Variants in CAMK4 observed in about 807,000 individuals in gnomAD.
CAMK4 encodes the protein calcium/calmodulin dependent protein kinase IV, also known as calcium/calmodulin-dependent protein kinase type IV.
In CAMK4, 22 loss-of-function variants were observed where a neutral mutation model predicts 44.9. The ratio of observed to expected loss-of-function variants is 0.49; its 90% CI spans 0.35 to 0.70. The LOEUF is 0.70. Among genes scored for constraint, CAMK4 ranks in the 30% least tolerant of loss-of-function variants. The probability of loss-of-function intolerance (pLI) is 0.01; values close to 1 mark genes in which losing one functional copy is unlikely to be tolerated. For synonymous variants in CAMK4, 218 were observed against 215.4 expected (o/e 1.01, Z -0.11); for missense variants, 498 against 586.8 (o/e 0.85, Z 1.56).
intron 5 of CAMK4, among the ~76,000 whole-genome samples, chr5:111,430,185 C>T (rs1580742466): frequency 1.3e-5 from 2 of 152,212 alleles, no homozygotes; most frequent in African/African-American, 4.8e-5. Context: ...ATCAATGTGA[C>T]ATGTCATATC....
Position 111,484,392 on chromosome 5 carries a change from C to A in CAMK4, c.1348C>A (p.Pro450Thr), listed in dbSNP as rs1429779295. 1 of 1,584,458 alleles carries A rather than the reference C, an allele frequency of 6.3e-7. No homozygotes were observed. Among genetic ancestry groups the A allele is most frequent in the East Asian group, 2.2e-5 (1 of 44,512 alleles). ...GAAGACTGTGGAGGAGGCAGCAGCTCCCAGAGAAGGGCAAGGAAGCTCTGC... is the reference window on the plus strand; with the variant it reads ...GAAGACTGTGGAGGAGGCAGCAGCTACCAGAGAAGGGCAAGGAAGCTCTGC... ...KLKTVEEAAAPREGQGSSAVG... is the reference protein window; with the variant it reads ...KLKTVEEAAATREGQGSSAVG... Residue 450 changes from proline (P) to threonine (T), a missense_variant, in exon 11 of 11, where the codon CCC becomes ACC. Physicochemically the swap from Pro to Thr is conservative, Grantham distance 38 (BLOSUM62 -1). Coordinates refer to ENST00000282356, the MANE Select transcript of CAMK4 (RefSeq NM_001744.6). The surrounding 1 kb of genome is among the most constrained non-coding windows in gnomAD (Gnocchi z 5.3).
intron 5 of CAMK4, among the ~76,000 whole-genome samples, chr5:111,420,665 G>A (rs560376650): frequency 1.9e-4 from 29 of 152,260 alleles, no homozygotes; most frequent in African/African-American, 5.5e-4. Flanking sequence ...GCCGTTTATA[G>A]GCCTATACCT....
chr5:111,309,625 C>T lies in CAMK4; in HGVS notation c.162-34399C>T, dbSNP rs534696433. Among the ~76,000 whole-genome samples, 4 of 152,280 alleles carry T rather than the reference C, an allele frequency of 2.6e-5. No homozygotes were observed. In the East Asian group the frequency reaches 7.7e-4, roughly 29 times the overall value. On this transcript the variant is annotated intron_variant, in intron 1 of 10. Coordinates refer to ENST00000282356, the MANE Select transcript of CAMK4 (RefSeq NM_001744.6). Reference sequence around the variant, plus strand: ...CCTCCTGGCTTTTTCTCTGGGTGAGCTGTGGCACAGGTTATTTCTTCTATT... The same window carrying T: ...CCTCCTGGCTTTTTCTCTGGGTGAGTTGTGGCACAGGTTATTTCTTCTATT...
intron 7 of CAMK4, among the ~76,000 whole-genome samples, chr5:111,462,724 A>C (rs541234999): frequency 6.6e-6 from 1 of 152,350 alleles, no homozygotes; most frequent in South Asian, 2.1e-4. Context: ...GAATTTAAGA[A>C]AAGAAGGCAA....
chr5:111,458,250 C>A (rs1206472797), intron 7 of CAMK4, among the ~76,000 whole-genome samples: 1 of 152,088 alleles, frequency 6.6e-6, no homozygotes, highest in Admixed American at 6.5e-5. Context: ...TACAGGGTGG[C>A]GAGGAAGGGT....
At chr5:111,278,680 C>T (rs1451643120) in intron 1 of CAMK4, among the ~76,000 whole-genome samples, 1 of 152,060 alleles carries the variant, frequency 6.6e-6, no homozygotes, top group Non-Finnish European at 1.5e-5. Flanking sequence ...TTTTATTTGG[C>T]AATTGAGTCT....
At position 111,250,937 on chromosome 5, in the gene CAMK4, C is replaced by T. The variant is rs942229846; in HGVS notation, c.161+26293C>T. Among the ~76,000 whole-genome samples, 304 of 152,142 alleles carry T rather than the reference C, an allele frequency of 2.0e-3. 2 individuals are homozygous for T. The highest frequency in any genetic ancestry group is 1.3e-3 in the Non-Finnish European group (85 of 67,940). On this transcript the variant is annotated intron_variant, in intron 1 of 10. Coordinates refer to ENST00000282356, the MANE Select transcript of CAMK4 (RefSeq NM_001744.6). ...TCCCAAAGCATTGGGATTACAGGGACGAGCCACTGCACCCAGCCATTATTT... is the reference window on the plus strand; with the variant it reads ...TCCCAAAGCATTGGGATTACAGGGATGAGCCACTGCACCCAGCCATTATTT...
intron 5 of CAMK4, among the ~76,000 whole-genome samples, chr5:111,438,778 C>T (rs1423917524): frequency 6.6e-6 from 1 of 152,120 alleles, no homozygotes; most frequent in Non-Finnish European, 1.5e-5. Flanking sequence ...CTACTGAGTG[C>T]CCAGCTCCCT....
At chr5:111,225,486 T>C (rs2112482823) in intron 1 of CAMK4, among the ~76,000 whole-genome samples, 1 of 152,344 alleles carries the variant, frequency 6.6e-6, no homozygotes, top group Admixed American at 6.5e-5. Context: ...TTTCTCTCTG[T>C]TATCCATAGG....
At chr5:111,470,990 A>G (rs527714021) in intron 7 of CAMK4, among the ~76,000 whole-genome samples, 3 of 152,288 alleles carry the variant, frequency 2.0e-5, no homozygotes, top group African/African-American at 2.4e-5. Context: ...CTCTTTACCA[A>G]TCTGCTTTTG....
At chr5:111,380,006 T>A (rs1037372528) in intron 4 of CAMK4, among the ~76,000 whole-genome samples, 1 of 152,164 alleles carries the variant, frequency 6.6e-6, no homozygotes, top group African/African-American at 2.4e-5. Flanking sequence ...TATGACATCA[T>A]GAGAAGAAGA....
intron 1 of CAMK4, among the ~76,000 whole-genome samples, chr5:111,277,142 T>C (rs1009668548): frequency 3.3e-5 from 5 of 152,232 alleles, no homozygotes; most frequent in Admixed American, 3.3e-4. Flanking sequence ...ACATGGATGA[T>C]AAATTTTGAG....
At position 111,407,340 on chromosome 5, in the gene CAMK4, G is replaced by T. The variant is rs182753769; in HGVS notation, c.459+12558G>T. Reference sequence around the variant, plus strand: ...CACTCTAGCCTGGGTGACAGAGAGAGACTCCTTAAAAAAAAAAAAAAGAAA... The same window carrying T: ...CACTCTAGCCTGGGTGACAGAGAGATACTCCTTAAAAAAAAAAAAAAGAAA... On this transcript the variant is annotated intron_variant, in intron 5 of 10. Transcript: ENST00000282356. 1.4e-3 allele frequency among the ~76,000 whole-genome samples: 172 copies of T among 123,432 alleles called. 1 individual carries two copies. The highest frequency in any genetic ancestry group is 5.8e-3 in the African/African-American group (169 of 28,944). The allele number at this position is 123,432 out of a possible 152,430, so 81.0% of individuals were successfully genotyped here. A position where few individuals can be genotyped will look rare whatever the true frequency, so the allele number is the denominator to read the frequency against.
At chr5:111,480,501 C>G (rs926708400) in intron 9 of CAMK4, among the ~76,000 whole-genome samples, 1 of 152,078 alleles carries the variant, frequency 6.6e-6, no homozygotes, top group Non-Finnish European at 1.5e-5. Context: ...CAGGACAAAG[C>G]GTGTGTACCC....
intron 1 of CAMK4, among the ~76,000 whole-genome samples, chr5:111,249,349 AT>A (rs1474327464): frequency 6.6e-6 from 1 of 152,064 alleles, no homozygotes; most frequent in African/African-American, 2.4e-5. Context: ...GAAAAAGATT[AT>A]AAAATATAAC....
intron 8 of CAMK4, among the ~76,000 whole-genome samples, chr5:111,473,654 T>TA (rs1453121690): frequency 6.6e-6 from 1 of 152,222 alleles, no homozygotes; most frequent in Non-Finnish European, 1.5e-5. Context: ...AACAGTTTAT[T>TA]ACTTGACACT....
At chr5:111,298,620 G>A (rs1222227401) in intron 1 of CAMK4, among the ~76,000 whole-genome samples, 1 of 152,166 alleles carries the variant, frequency 6.6e-6, no homozygotes, top group Non-Finnish European at 1.5e-5. Flanking sequence ...CTAGCCCCTG[G>A]TGGTTCTACC....
intron 1 of CAMK4, among the ~76,000 whole-genome samples, chr5:111,252,621 A>G (rs746456258): frequency 6.6e-6 from 1 of 152,210 alleles, no homozygotes; most frequent in Non-Finnish European, 1.5e-5. Flanking sequence ...TATTCTTAGC[A>G]GTAAGCTGGT....
intron 7 of CAMK4, among the ~76,000 whole-genome samples, chr5:111,465,897 A>G (rs527510005): frequency 1.3e-5 from 2 of 152,324 alleles, no homozygotes; most frequent in African/African-American, 4.8e-5. Context: ...GACATAACCA[A>G]AAAGAAAACT....
Sources: allele counts gnomAD v4.1 joint callset (sites outside exome capture counted in the v4.1 genomes callset), GRCh38; gene constraint gnomAD v4.1.1; non-coding constraint Gnocchi (gnomAD v3.1); transcripts MANE v1.5; gene names NCBI Gene and HGNC (gene_info 2026-07-23, HGNC 2026-07-21).